Variants in EPHA6 observed in about 807,000 individuals in gnomAD.
EPHA6 encodes ephrin type-A receptor 6.
Under a neutral mutation model 112.0 loss-of-function variants are expected in EPHA6, and 50 were observed. The ratio of observed to expected loss-of-function variants is 0.45; its 90% confidence interval spans 0.36 to 0.56. The LOEUF is 0.56. Ranked by LOEUF, EPHA6 falls within the 20% of genes least tolerant of loss-of-function variation. The probability of loss-of-function intolerance (pLI) is 0.00; values close to 1 mark genes in which losing one functional copy is unlikely to be tolerated. For synonymous variants in EPHA6, 529 were observed against 490.7 expected, an observed-to-expected ratio of 1.08 and a Z score of -1.03; for missense variants, 1,280 against 1,417.4, an observed-to-expected ratio of 0.90 and a Z score of 1.56.
intron 3 of EPHA6, among the ~76,000 whole-genome samples, chr3:97,081,474 T>G (rs1157433085): frequency 6.6e-6 from 1 of 151,912 alleles, no homozygotes. Context: ...CTCAAGGAGA[T>G]AGCTGTTTAT....
chr3:97,519,454 T>G (rs1394512821), intron 10 of EPHA6, among the ~76,000 whole-genome samples: 1 of 152,216 alleles, frequency 6.6e-6, no homozygotes, highest in Non-Finnish European at 1.5e-5. Flanking sequence ...TCAGGATTGC[T>G]TTGGCTATTT....
chr3:97,010,471 G>A (rs1034962570), intron 3 of EPHA6, among the ~76,000 whole-genome samples: 2 of 151,992 alleles, frequency 1.3e-5, no homozygotes, highest in Non-Finnish European at 2.9e-5. Flanking sequence ...GCATACCTCT[G>A]CCCTATAAGC....
chr3:97,673,478 TC>T (rs945841226), intron 14 of EPHA6, among the ~76,000 whole-genome samples: 1 of 152,180 alleles, frequency 6.6e-6, no homozygotes, highest in African/African-American at 2.4e-5. Context: ...AATATGAACC[TC>T]CTTTGTGATT....
At chr3:96,889,336 T>A (rs2037819763) in intron 2 of EPHA6, among the ~76,000 whole-genome samples, 1 of 152,152 alleles carries the variant, frequency 6.6e-6, no homozygotes, top group South Asian at 2.1e-4. Flanking sequence ...ATCAATTTAC[T>A]GTATTAGTGC....
At chr3:97,190,874 A>G (rs1052704100) in intron 3 of EPHA6, among the ~76,000 whole-genome samples, 3 of 152,140 alleles carry the variant, frequency 2.0e-5, no homozygotes, top group African/African-American at 7.2e-5. Context: ...TAATAAAAAA[A>G]AAGTCTATTA....
chr3:97,064,075 C>T (rs2046107002), intron 3 of EPHA6, among the ~76,000 whole-genome samples: 1 of 152,154 alleles, frequency 6.6e-6, no homozygotes, highest in South Asian at 2.1e-4. Context: ...AATCTTGGTT[C>T]TGGATCCAGC....
At chr3:96,860,997 C>G (rs1249765886) in intron 1 of EPHA6, among the ~76,000 whole-genome samples, 1 of 151,968 alleles carries the variant, frequency 6.6e-6, no homozygotes, top group East Asian at 1.9e-4. Context: ...AATGACCTTG[C>G]TCAGGAGCCC....
chr3:97,640,333 G>C (rs2093990047), intron 14 of EPHA6, among the ~76,000 whole-genome samples: 1 of 152,194 alleles, frequency 6.6e-6, no homozygotes, highest in Admixed American at 6.5e-5. Flanking sequence ...ATAGGCAATG[G>C]AGGGGCCAAT....
intron 2 of EPHA6, among the ~76,000 whole-genome samples, chr3:96,916,646 G>C (rs975441613): frequency 6.6e-5 from 10 of 152,122 alleles, no homozygotes; most frequent in Admixed American, 2.0e-4. Context: ...TGAGTAATGA[G>C]TAGATTGAAA....
intron 14 of EPHA6, among the ~76,000 whole-genome samples, chr3:97,661,715 G>T (rs967498938): frequency 1.3e-5 from 2 of 152,138 alleles, no homozygotes; most frequent in African/African-American, 4.8e-5. Context: ...TGATATTAAA[G>T]TTGTAGTGAG....
intron 1 of EPHA6, among the ~76,000 whole-genome samples, chr3:96,846,402 G>A (rs766515118): frequency 2.6e-5 from 4 of 151,974 alleles, no homozygotes; most frequent in Non-Finnish European, 5.9e-5. Flanking sequence ...CTCGGATTGA[G>A]GTGAGTCCAG....
chr3:96,920,414 T>G (rs2107626690), intron 2 of EPHA6, among the ~76,000 whole-genome samples: 1 of 152,090 alleles, frequency 6.6e-6, no homozygotes, highest in East Asian at 1.9e-4. Flanking sequence ...AATGAAAACC[T>G]GCATTAATTT....
At chr3:97,456,392 G>T (rs536790027) in intron 7 of EPHA6, among the ~76,000 whole-genome samples, 69 of 152,082 alleles carry the variant, frequency 4.5e-4, no homozygotes, top group Non-Finnish European at 9.0e-4. Flanking sequence ...CTGAAGACTT[G>T]TAGTCTTTGA....
chr3:96,969,506 A>G (rs1559631267), intron 2 of EPHA6, among the ~76,000 whole-genome samples: 2 of 151,976 alleles, frequency 1.3e-5, no homozygotes, highest in African/African-American at 2.4e-5. Context: ...AAGGTCTAAT[A>G]TATTTTGAAA....
intron 16 of EPHA6, among the ~76,000 whole-genome samples, chr3:97,737,976 C>A (rs373362182): frequency 1.3e-5 from 2 of 152,016 alleles, no homozygotes; most frequent in African/African-American, 4.8e-5. Flanking sequence ...AGTATAATGT[C>A]CAAGCCTTCA....
chr3:96,855,673 C>A (rs2035650490), intron 1 of EPHA6, among the ~76,000 whole-genome samples: 1 of 147,580 alleles, frequency 6.8e-6, no homozygotes, highest in African/African-American at 2.6e-5. Context: ...GATAAATTTT[C>A]TTTGAAAATG....
At chr3:96,892,413 G>A (rs1238764516) in intron 2 of EPHA6, among the ~76,000 whole-genome samples, 1 of 151,998 alleles carries the variant, frequency 6.6e-6, no homozygotes, top group East Asian at 1.9e-4. Flanking sequence ...TATAGAGATA[G>A]AGTTTCGCCG....
At chr3:97,508,259 G>A (rs1285139740) in intron 10 of EPHA6, among the ~76,000 whole-genome samples, 1 of 151,950 alleles carries the variant, frequency 6.6e-6, no homozygotes, top group Non-Finnish European at 1.5e-5. Flanking sequence ...TGATGTTAGG[G>A]TGTCAGTTTA....
chr3:97,538,446 A>G (rs2092792972), intron 11 of EPHA6, among the ~76,000 whole-genome samples: 2 of 152,164 alleles, frequency 1.3e-5, no homozygotes, highest in African/African-American at 2.4e-5. Context: ...TGCTAAGTTT[A>G]AGGTGTCTGT....
Sources: gnomAD v4.1 joint callset for allele counts (sites outside exome capture counted in the v4.1 genomes callset) on GRCh38, gnomAD v4.1.1 for gene constraint, MANE v1.5 for transcripts, NCBI Gene and HGNC (gene_info 2026-07-23, HGNC 2026-07-21) for gene names.